The following CD37 variants were observed in gnomAD, a reference collection of about 807,000 sequenced individuals.
The protein encoded by CD37 is leukocyte antigen CD37.
In CD37, 37 loss-of-function variants were observed where a neutral mutation model predicts 38.9. That is an observed-to-expected ratio of 0.95 (90% confidence interval 0.73 to 1.25). The LOEUF is 1.25. CD37 is among the 50% of genes most tolerant of loss of function. The pLI, the probability that CD37 is intolerant of heterozygous loss-of-function variation, is 0.00. For missense variants in CD37, 351 were observed against 360.1 expected (o/e 0.97, Z 0.20); for synonymous variants, 146 against 150.1 (o/e 0.97, Z 0.20).
chr19:49,338,232 T>C lies in CD37; in HGVS notation c.447+203T>C. 7.0e-7 allele frequency: 1 copy of C among 1,419,052 alleles called. No individual in the cohort carries two copies. Among genetic ancestry groups the C allele is most frequent in the Non-Finnish European group, 9.2e-7 (1 of 1,088,852 alleles). 87.9% of individuals were successfully genotyped at this position (1,419,052 alleles called of 1,614,324 possible). A position where few individuals can be genotyped will look rare whatever the true frequency, so the allele number is the denominator to read the frequency against. On this transcript the variant is annotated intron_variant, in intron 5 of 7. Coordinates refer to ENST00000323906, the MANE Select transcript of CD37 (RefSeq NM_001774.3). The surrounding 1 kb of genome is among the most constrained non-coding windows in gnomAD (Gnocchi z 5.0). The stretch of plus-strand genomic sequence containing the variant: ...GTCTCCCAGTACCCAGACCCTGGCG[T>C]GGCTTCGCCATCTACCTCGAGAGAC...
chr19:49,340,308 C>G lies in CD37; in HGVS notation c.826C>G (p.Arg276Gly). 1 of 1,613,556 alleles carries G rather than the reference C, an allele frequency of 6.2e-7. No individual in the cohort carries two copies. Among genetic ancestry groups the G allele is most frequent in the Non-Finnish European group, 8.5e-7 (1 of 1,179,660 alleles). The change falls in exon 8 of 8, where the codon CGG (arginine) becomes GGG (glycine). Residue 276 changes from arginine (R) to glycine (G), a missense_variant. Physicochemically the swap from Arg to Gly is moderately radical, Grantham distance 125. Coordinates refer to ENST00000323906, the MANE Select transcript of CD37 (RefSeq NM_001774.3). ...LCRNLDHVYN[R>G]LARYR ...CAGAAACCTGGACCACGTCTACAACCGGCTCGCTCGATACCGTTAGGCCCC... is the reference window on the plus strand; with the variant it reads ...CAGAAACCTGGACCACGTCTACAACGGGCTCGCTCGATACCGTTAGGCCCC...
In CD37 at chr19:49,339,791, G is replaced by A. The variant is rs1173333679; in HGVS notation, c.768+378G>A. On this transcript the variant is annotated intron_variant, in intron 7 of 7. Transcript: ENST00000323906. The surrounding 1 kb of genome is among the most constrained non-coding windows in gnomAD (Gnocchi z 4.5). The stretch of plus-strand genomic sequence containing the variant: ...GCTGACGGCGGCGGCGGGCACAGCG[G>A]CAGTCTGTGGGGTGGCTGGGGCATG... 2 of 1,358,468 alleles carry A rather than the reference G, an allele frequency of 1.5e-6. No individual in the cohort carries two copies. The highest frequency in any genetic ancestry group is 6.6e-5 in the Admixed American group (2 of 30,386). 84.2% of individuals were successfully genotyped at this position (1,358,468 alleles called of 1,614,324 possible).
rs1971195605 is a variant in CD37, at chr19:49,340,547, C to T, written c.*219C>T. The T allele has an allele frequency of 1.6e-6, 1 of 606,326 alleles. No homozygotes were observed. Among genetic ancestry groups the T allele is most frequent in the Admixed American group, 2.8e-5 (1 of 35,130 alleles). 37.6% of individuals were successfully genotyped at this position (606,326 alleles called of 1,614,324 possible). On this transcript the variant is annotated 3_prime_UTR_variant, in exon 8 of 8. Transcript: ENST00000323906. ...CCTGTCCCCATCTGTCGGCCTACCA[C>T]CACCCACAAGATTATTTTTCACCCA...
intron 2 of CD37, 52 bp from the exon 3 acceptor site, chr19:49,336,857 C>A: frequency 1.3e-6 from 2 of 1,593,724 alleles, no homozygotes. Flanking sequence ...GGAAATGGGG[C>A]TGCCTGGAGC....
At chr19:49,340,176 C>T in intron 7 of CD37, 75 bp from the exon 8 acceptor site, 1 of 1,339,766 alleles carries the variant, frequency 7.5e-7, no homozygotes, top group Non-Finnish European at 1.0e-6. Context: ...CCTGACCTTT[C>T]TCGCCCGGGT....
rs73588388 is a variant in CD37, at chr19:49,339,323, C to T, written c.685-7C>T. The T allele has an allele frequency of 3.7e-4, 591 of 1,612,550 alleles. 5 individuals carry two copies. In the African/African-American group the frequency reaches 7.2e-3, roughly 20 times the overall value. ...GAATCCCTTTAACTTTTCCCTACAC[C>T]CCCCAGGGCTGCGCGCAGGGCCTCC... is the stretch of plus-strand genomic sequence containing the variant. On this transcript the variant is annotated splice_region_variant and splice_polypyrimidine_tract_variant and intron_variant, in intron 6 of 7. Coordinates refer to ENST00000323906, the MANE Select transcript of CD37 (RefSeq NM_001774.3). This position sits in a 1 kb window ranked among gnomAD's most constrained non-coding sequence, Gnocchi z 4.5.
At position 49,335,829 on chromosome 19, in the gene CD37, A is replaced by C; in HGVS notation, c.142+43A>C. On this transcript the variant is annotated intron_variant, in intron 2 of 7. Coordinates refer to ENST00000323906, the MANE Select transcript of CD37 (RefSeq NM_001774.3). This position sits in a 1 kb window ranked among gnomAD's most constrained non-coding sequence, Gnocchi z 4.6. The stretch of plus-strand genomic sequence containing the variant: ...AGGTGGGAGGGCCTCCCCCAACCCA[A>C]GCAACTTCCTGGGGTCTCCCTTGTC... 6.6e-7 allele frequency: 1 copy of C among 1,512,736 alleles called. No homozygotes were observed. Among genetic ancestry groups the C allele is most frequent in the Non-Finnish European group, 9.2e-7 (1 of 1,090,154 alleles). The allele number at this position is 1,512,736 out of a possible 1,614,324, so 93.7% of individuals were successfully genotyped here.
intron 4 of CD37, chr19:49,337,522 C>T (rs2146211505): frequency 3.8e-6 from 3 of 783,260 alleles, no homozygotes; most frequent in South Asian, 1.8e-5. Context: ...CTTGGGAGGT[C>T]GAGGTGGGAG....
chr19:49,338,628 T>C lies in CD37; in HGVS notation c.448-72T>C. 8.8e-7 allele frequency: 1 copy of C among 1,141,790 alleles called. No individual in the cohort carries two copies. Among genetic ancestry groups the C allele is most frequent in the Middle Eastern group, 1.9e-4 (1 of 5,170 alleles). The allele number at this position is 1,141,790 out of a possible 1,614,324, so 70.7% of individuals were successfully genotyped here. ...GCTCCCCGACCTGACCTCATACCCA[T>C]CACCTTGTCCCCTGATCCCCAACAT... On this transcript the variant is annotated intron_variant, in intron 5 of 7. Transcript: ENST00000323906. The surrounding 1 kb of genome is among the most constrained non-coding windows in gnomAD (Gnocchi z 5.0).
At chr19:49,340,181 C>T in intron 7 of CD37, 70 bp from the exon 8 acceptor site, 1 of 1,521,906 alleles carries the variant, frequency 6.6e-7, no homozygotes, top group Non-Finnish European at 9.1e-7. Context: ...CCTTTCTCGC[C>T]CGGGTGGGCA....
intron 2 of CD37, chr19:49,336,030 G>A: frequency 1.8e-6 from 1 of 549,670 alleles, no homozygotes. Context: ...CTTGTGGCTG[G>A]TCAGATGCCC....
chr19:49,337,735 CAG>C, intron 4 of CD37, 188 bp from the exon 5 acceptor site: 1 of 1,536,048 alleles, frequency 6.5e-7, no homozygotes, highest in African/African-American at 1.4e-5. Context: ...AAAGAAGAGA[CAG>C]AGACTTATGA....
In CD37 at chr19:49,338,147, C is replaced by A. The variant is rs753788260; in HGVS notation, c.447+118C>A. On this transcript the variant is annotated intron_variant, in intron 5 of 7. Transcript: ENST00000323906. This position sits in a 1 kb window ranked among gnomAD's most constrained non-coding sequence, Gnocchi z 5.0. Reference sequence around the variant, plus strand: ...CTCTACGATCCTAACACACCCCAATCCCTCCCAGGCCCGACGCTCCCCACT... The same window carrying A: ...CTCTACGATCCTAACACACCCCAATACCTCCCAGGCCCGACGCTCCCCACT... 4.8e-6 allele frequency: 7 copies of A among 1,466,744 alleles called. No homozygotes were observed. Among genetic ancestry groups the A allele is most frequent in the African/African-American group, 1.4e-5 (1 of 70,546 alleles). The allele number at this position is 1,466,744 out of a possible 1,614,324, so 90.9% of individuals were successfully genotyped here.
intron 4 of CD37, chr19:49,337,677 G>A: frequency 6.6e-7 from 1 of 1,526,262 alleles, no homozygotes; most frequent in Non-Finnish European, 8.8e-7. Flanking sequence ...GCTCCAAAGG[G>A]AAACACACGG....
Position 49,338,086 on chromosome 19 carries a change from G to C in CD37, c.447+57G>C. 6.3e-7 allele frequency: 1 copy of C among 1,591,158 alleles called. No homozygotes were observed. The highest frequency in any genetic ancestry group is 8.6e-7 in the Non-Finnish European group (1 of 1,168,520). ...CTGACCCGCCTCAGCCCTGTGCTTG[G>C]AGGAGACTCCACCCCAACGTGGGCC... On this transcript the variant is annotated intron_variant, in intron 5 of 7. Transcript: ENST00000323906. The surrounding 1 kb of genome is among the most constrained non-coding windows in gnomAD (Gnocchi z 5.0).
Position 49,339,441 on chromosome 19 carries a change from T to A in CD37, c.768+28T>A. 6.2e-7 allele frequency: 1 copy of A among 1,603,860 alleles called. No individual in the cohort carries two copies. Among genetic ancestry groups the A allele is most frequent in the Non-Finnish European group, 8.5e-7 (1 of 1,172,234 alleles). ...GATCTGGCCCCGCCCCCACCCGCGA[T>A]CGGCCCTAAATCCCTAGATGGCCCT... On this transcript the variant is annotated intron_variant, in intron 7 of 7. Transcript: ENST00000323906. The surrounding 1 kb of genome is among the most constrained non-coding windows in gnomAD (Gnocchi z 4.5).
Position 49,338,000 on chromosome 19 carries a change from G to C in CD37, c.418G>C (p.Glu140Gln), listed in dbSNP as rs757976824. The change falls in exon 5 of 8, where the codon GAG becomes CAG. Residue 140 changes from glutamate to glutamine, a missense_variant. Physicochemically the swap from Glu to Gln is conservative, Grantham distance 29. Coordinates refer to ENST00000323906, the MANE Select transcript of CD37 (RefSeq NM_001774.3). Reference protein sequence around the residue: ...YGTNPEETAAEESWDYVQFQL... With the variant: ...YGTNPEETAAQESWDYVQFQL... ...CACCAACCCCGAGGAGACCGCGGCC[G>C]AGGAGAGCTGGGACTATGTGCAGTT... 1.9e-6 allele frequency: 3 copies of C among 1,614,020 alleles called. No homozygotes were observed. The highest frequency in any genetic ancestry group is 2.5e-6 in the Non-Finnish European group (3 of 1,179,976).
At position 49,339,933 on chromosome 19, in the gene CD37, C is replaced by T. The variant is rs1208572855; in HGVS notation, c.769-318C>T. ...ACCAGCCTGACACTGGAAGTGCGGG[C>T]GCAGAATTAGAGGAGGCACAATTAG... On this transcript the variant is annotated intron_variant, in intron 7 of 7. Coordinates refer to ENST00000323906, the MANE Select transcript of CD37 (RefSeq NM_001774.3). The surrounding 1 kb of genome is among the most constrained non-coding windows in gnomAD (Gnocchi z 4.5). 2 of 1,372,504 alleles carry T rather than the reference C, an allele frequency of 1.5e-6. No individual in the cohort carries two copies. The highest frequency in any genetic ancestry group is 2.9e-5 in the African/African-American group (2 of 68,302). The allele number at this position is 1,372,504 out of a possible 1,614,324, so 85.0% of individuals were successfully genotyped here.
chr19:49,339,439 G>T lies in CD37; in HGVS notation c.768+26G>T. On this transcript the variant is annotated intron_variant, in intron 7 of 7. Coordinates refer to ENST00000323906, the MANE Select transcript of CD37 (RefSeq NM_001774.3). The surrounding 1 kb of genome is among the most constrained non-coding windows in gnomAD (Gnocchi z 4.5). ...GTGATCTGGCCCCGCCCCCACCCGCGATCGGCCCTAAATCCCTAGATGGCC... is the reference window on the plus strand; with the variant it reads ...GTGATCTGGCCCCGCCCCCACCCGCTATCGGCCCTAAATCCCTAGATGGCC... The T allele has an allele frequency of 6.2e-7, 1 of 1,604,006 alleles. No homozygotes were observed.
Sources: allele counts gnomAD v4.1 joint callset, GRCh38; gene constraint gnomAD v4.1.1; non-coding constraint Gnocchi (gnomAD v3.1); transcripts MANE v1.5; gene names NCBI Gene and HGNC (gene_info 2026-07-23, HGNC 2026-07-21).